ITSN2: variants seen among roughly 807,000 people sequenced by gnomAD.
ITSN2 encodes the protein intersectin-2.
ITSN2 carries 156 observed loss-of-function variants against 243.7 expected under a neutral mutation model. That is an observed-to-expected ratio of 0.64 (90% confidence interval 0.56 to 0.73). The LOEUF is 0.73. Among genes scored for constraint, ITSN2 ranks in the 30% least tolerant of loss-of-function variants. ITSN2 has a pLI of 0.00. For synonymous variants in ITSN2, 703 were observed against 699.9 expected (o/e 1.00, Z -0.07); for missense variants, 1,801 against 1,996.1 (o/e 0.90, Z 1.86).
chr2:24,298,487 G>A (rs1313502203), intron 13 of ITSN2, among the ~76,000 whole-genome samples, 178 bp downstream of exon 13: 1 of 151,888 alleles, frequency 6.6e-6, no homozygotes, highest in Non-Finnish European at 1.5e-5. Flanking sequence ...AGTAGAGATG[G>A]GGTTTCACCA....
intron 2 of ITSN2, among the ~76,000 whole-genome samples, chr2:24,320,788 C>CT (rs1684483081): frequency 6.6e-6 from 1 of 151,366 alleles, no homozygotes; most frequent in Non-Finnish European, 1.5e-5. Context: ...AGCCACCTGG[C>CT]TTTCTAAGGG....
chr2:24,233,105 G>C (rs1671790685), intron 29 of ITSN2, among the ~76,000 whole-genome samples: 1 of 152,104 alleles, frequency 6.6e-6, no homozygotes, highest in African/African-American at 2.4e-5. Flanking sequence ...GTAGCACTTT[G>C]TATCAGTGCA....
At chr2:24,307,878 C>T (rs1348575668) in intron 8 of ITSN2, among the ~76,000 whole-genome samples, 1 of 152,236 alleles carries the variant, frequency 6.6e-6, no homozygotes, top group African/African-American at 2.4e-5. Flanking sequence ...TTTCATGGAG[C>T]TTAAATGCTC....
intron 21 of ITSN2, 102 bp from the exon 22 acceptor site, chr2:24,261,352 A>C: frequency 2.1e-6 from 2 of 953,658 alleles, no homozygotes; most frequent in Non-Finnish European, 3.1e-6. Context: ...GTGCTTACAC[A>C]CAATTTGTGG....
Position 24,283,985 on chromosome 2 carries a change from G to A in ITSN2, c.1944+778C>T, listed in dbSNP as rs145647279. The stretch of plus-strand genomic sequence containing the variant: ...CCATCTTTCCAATTTGCCCTACTTC[G>A]CTCAGGTAACAAATGAACTCTACTT... On this transcript the variant is annotated intron_variant, in intron 17 of 39. Coordinates refer to ENST00000355123, the MANE Select transcript of ITSN2 (RefSeq NM_006277.3). Among the ~76,000 whole-genome samples the A allele has an allele frequency of 3.4e-3, 514 of 152,172 alleles. 1 individual carries two copies. Among genetic ancestry groups the A allele is most frequent in the Non-Finnish European group, 5.7e-3 (390 of 68,004 alleles).
At chr2:24,220,353 A>G in intron 30 of ITSN2, 2 of 985,438 alleles carry the variant, frequency 2.0e-6, no homozygotes, top group South Asian at 4.7e-5. Context: ...TGTTCACTCA[A>G]GCACAAATCA....
chr2:24,309,705 A>G (rs1027684183), intron 7 of ITSN2, among the ~76,000 whole-genome samples: 2 of 152,280 alleles, frequency 1.3e-5, no homozygotes, highest in East Asian at 3.9e-4. Context: ...TACAGTCCCC[A>G]TCTTTTAGAT....
chr2:24,343,136 A>G (rs1386074466), intron 1 of ITSN2, among the ~76,000 whole-genome samples: 1 of 152,016 alleles, frequency 6.6e-6, no homozygotes, highest in Admixed American at 6.6e-5. Flanking sequence ...GCAAGGAACC[A>G]TAACAATAGA....
At chr2:24,243,894 G>A (rs938863056) in intron 29 of ITSN2, among the ~76,000 whole-genome samples, 5 of 152,274 alleles carry the variant, frequency 3.3e-5, no homozygotes, top group South Asian at 2.1e-4. Context: ...TTTCTCAGTC[G>A]TATTAGCCAC....
intron 15 of ITSN2, among the ~76,000 whole-genome samples, chr2:24,287,503 G>A (rs1004284936): frequency 5.3e-5 from 8 of 152,050 alleles, no homozygotes; most frequent in African/African-American, 1.9e-4. Context: ...TTAGCATAAG[G>A]GAGCGCAAAT....
intron 17 of ITSN2, among the ~76,000 whole-genome samples, chr2:24,280,720 A>G (rs922352542): frequency 6.6e-6 from 1 of 152,100 alleles, no homozygotes; most frequent in Non-Finnish European, 1.5e-5. Flanking sequence ...TGGGGCTCCT[A>G]CCATCCAGCA....
chr2:24,222,201 G>A (rs1029893828), intron 29 of ITSN2, among the ~76,000 whole-genome samples: 17 of 141,154 alleles, frequency 1.2e-4, no homozygotes, highest in Non-Finnish European at 1.3e-4. Flanking sequence ...GCAGTGAGCC[G>A]AGATCGCACC....
intron 1 of ITSN2, among the ~76,000 whole-genome samples, chr2:24,352,109 A>G (rs954241043): frequency 6.6e-6 from 1 of 152,184 alleles, no homozygotes; most frequent in African/African-American, 2.4e-5. Flanking sequence ...TATATATAGG[A>G]AAAAACATAG....
In ITSN2 at chr2:24,204,649, C is replaced by T. The variant is rs1668659407; in HGVS notation, c.4763-231G>A. The T allele has an allele frequency of 3.2e-6, 2 of 630,584 alleles. No homozygotes were observed. The highest frequency in any genetic ancestry group is 5.9e-6 in the Non-Finnish European group (2 of 339,242). 39.1% of individuals were successfully genotyped at this position (630,584 alleles called of 1,614,324 possible). On this transcript the variant is annotated intron_variant, in intron 38 of 39. Transcript: ENST00000355123. This position sits in a 1 kb window ranked among gnomAD's most constrained non-coding sequence, Gnocchi z 5.1. ...GTGGCCGAGAGCTCCACCGCCAGGA[C>T]CACTCCGCACGGAACAATCCTGGGT...
At chr2:24,266,967 C>T (rs1420034316) in intron 20 of ITSN2, among the ~76,000 whole-genome samples, 1 of 151,854 alleles carries the variant, frequency 6.6e-6, no homozygotes, top group African/African-American at 2.4e-5. Context: ...AATAAAATAG[C>T]TAAGCCAGAG....
intron 1 of ITSN2, among the ~76,000 whole-genome samples, chr2:24,348,918 T>C (rs965645065): frequency 2.0e-5 from 3 of 152,062 alleles, no homozygotes; most frequent in Non-Finnish European, 4.4e-5. Flanking sequence ...GCAAAAAAAA[T>C]AGCACTTTTG....
intron 29 of ITSN2, among the ~76,000 whole-genome samples, chr2:24,227,288 T>TAAAAAA (rs55652738): frequency 8.7e-6 from 1 of 114,810 alleles, no homozygotes; most frequent in Non-Finnish European, 1.8e-5. Context: ...GAGCTCAAAG[T>TAAAAAA]AAAAAAAAAA....
In ITSN2 at chr2:24,284,859, G is replaced by C; in HGVS notation, c.1864-16C>G. 3 of 1,253,826 alleles carry C rather than the reference G, an allele frequency of 2.4e-6. No individual in the cohort carries two copies. The highest frequency in any genetic ancestry group is 2.6e-5 in the South Asian group (2 of 77,582). 77.7% of individuals were successfully genotyped at this position (1,253,826 alleles called of 1,614,324 possible). Reference sequence around the variant, plus strand: ...TATTCCCACACTGTAAGATAAGGCAGATAAAAAGCCAATTAAACTACGTAC... The same window carrying C: ...TATTCCCACACTGTAAGATAAGGCACATAAAAAGCCAATTAAACTACGTAC... On this transcript the variant is annotated splice_polypyrimidine_tract_variant and intron_variant, in intron 16 of 39. Coordinates refer to ENST00000355123, the MANE Select transcript of ITSN2 (RefSeq NM_006277.3).
chr2:24,242,764 A>C (rs1386076828), intron 29 of ITSN2, among the ~76,000 whole-genome samples: 1 of 152,200 alleles, frequency 6.6e-6, no homozygotes, highest in African/African-American at 2.4e-5. Flanking sequence ...TTATCCTTAG[A>C]ATTACAGAAT....
Sources: allele counts gnomAD v4.1 joint callset (sites outside exome capture counted in the v4.1 genomes callset), GRCh38; gene constraint gnomAD v4.1.1; non-coding constraint Gnocchi (gnomAD v3.1); transcripts MANE v1.5; gene names NCBI Gene and HGNC (gene_info 2026-07-23, HGNC 2026-07-21).